The following CRISPLD2 variants were observed in gnomAD, a reference collection of about 807,000 sequenced individuals.
CRISPLD2 encodes the protein cysteine-rich secretory protein LCCL domain-containing 2.
In CRISPLD2, 47 loss-of-function variants were observed where a neutral mutation model predicts 71.1. The observed-to-expected ratio is 0.66, with a 90% CI of 0.52 to 0.84. CRISPLD2 has a LOEUF of 0.84. Ranked by LOEUF, CRISPLD2 falls within the 40% of genes least tolerant of loss-of-function variation. The probability of loss-of-function intolerance (pLI) is 0.00; values close to 1 mark genes in which losing one functional copy is unlikely to be tolerated. For missense variants in CRISPLD2, 830 were observed against 651.1 expected, an observed-to-expected ratio of 1.27 and a Z score of -2.99; for synonymous variants, 317 against 250.1, an observed-to-expected ratio of 1.27 and a Z score of -2.52.
intron 11 of CRISPLD2, among the ~76,000 whole-genome samples, chr16:84,875,045 A>T (rs774764077): frequency 1.1e-4 from 16 of 152,126 alleles, no homozygotes; most frequent in Non-Finnish European, 2.1e-4. Flanking sequence ...GTTTGAGACC[A>T]GCCCTGGCAA....
At chr16:84,855,081 G>A (rs974935631) in intron 6 of CRISPLD2, among the ~76,000 whole-genome samples, 15 of 151,980 alleles carry the variant, frequency 9.9e-5, no homozygotes, top group Non-Finnish European at 1.5e-4. Flanking sequence ...CCTGTGCCGG[G>A]CTCTGCAGAT....
At chr16:84,897,608 G>GTTGTTTGT (rs970035729) in intron 14 of CRISPLD2, among the ~76,000 whole-genome samples, 1 of 151,614 alleles carries the variant, frequency 6.6e-6, no homozygotes, top group Non-Finnish European at 1.5e-5. Flanking sequence ...GCCTTTTTTT[G>GTTGTTTGT]TTGTTTGTTT....
Position 84,880,596 on chromosome 16 carries a change from G to A in CRISPLD2, c.1305+12G>A, listed in dbSNP as rs2143315995. On this transcript the variant is annotated intron_variant, in intron 13 of 14. Transcript: ENST00000262424. ...ACATCTATGCAGATGTGAGTAGGATGCATTTTCAACAACTATCTCGCAAAG... is the reference window on the plus strand; with the variant it reads ...ACATCTATGCAGATGTGAGTAGGATACATTTTCAACAACTATCTCGCAAAG... 6.2e-7 allele frequency: 1 copy of A among 1,610,684 alleles called. No individual in the cohort carries two copies. Among genetic ancestry groups the A allele is most frequent in the Non-Finnish European group, 8.5e-7 (1 of 1,177,254 alleles).
intron 7 of CRISPLD2, among the ~76,000 whole-genome samples, chr16:84,868,032 C>G (rs1281001973): frequency 6.6e-6 from 1 of 152,216 alleles, no homozygotes; most frequent in East Asian, 1.9e-4. Context: ...CCTTGGCTCT[C>G]CCCGTTTGCC....
Position 84,880,501 on chromosome 16 carries a change from T to A in CRISPLD2, c.1230-8T>A. 2 of 1,609,664 alleles carry A rather than the reference T, an allele frequency of 1.2e-6. No homozygotes were observed. The highest frequency in any genetic ancestry group is 2.2e-5 in the South Asian group (2 of 90,620). On this transcript the variant is annotated splice_region_variant and splice_polypyrimidine_tract_variant and intron_variant, in intron 12 of 14. Coordinates refer to ENST00000262424, the MANE Select transcript of CRISPLD2 (RefSeq NM_031476.4). The stretch of plus-strand genomic sequence containing the variant: ...AGACCCATCACATAAATGCTTCCTG[T>A]TTTTCAGAATCCATTGTCCGGCACA...
At chr16:84,884,830 C>T (rs550837295) in intron 13 of CRISPLD2, among the ~76,000 whole-genome samples, 8 of 152,240 alleles carry the variant, frequency 5.3e-5, no homozygotes, top group East Asian at 3.9e-4. Context: ...GTCAAAGCAC[C>T]GCCTCTGGGG....
At chr16:84,902,348 G>A (rs1017340859) in intron 14 of CRISPLD2, among the ~76,000 whole-genome samples, 9 of 151,802 alleles carry the variant, frequency 5.9e-5, no homozygotes, top group South Asian at 2.1e-4. Context: ...AGTGGCTCAC[G>A]CCTGTAATTC....
chr16:84,828,020 AC>A (rs746734051), intron 1 of CRISPLD2, among the ~76,000 whole-genome samples: 5 of 151,014 alleles, frequency 3.3e-5, no homozygotes, highest in Admixed American at 6.6e-5. Flanking sequence ...CCGTTTGTTT[AC>A]TCTCTGTCTC....
At chr16:84,900,363 C>A (rs567564174) in intron 14 of CRISPLD2, among the ~76,000 whole-genome samples, 1 of 152,128 alleles carries the variant, frequency 6.6e-6, no homozygotes. Flanking sequence ...AATCTGGGGG[C>A]TCTCTTTGTT....
In CRISPLD2 at chr16:84,906,520, C is replaced by T. The variant is rs926545413; in HGVS notation, c.1440-68C>T. On this transcript the variant is annotated intron_variant, in intron 14 of 14. Transcript: ENST00000262424. Reference sequence around the variant, plus strand: ...CAGGAGGCACCCAGGTCTCCCTGCCCACCCAGAGTCCCTGCAGGAGGCCCT... The same window carrying T: ...CAGGAGGCACCCAGGTCTCCCTGCCTACCCAGAGTCCCTGCAGGAGGCCCT... 7 of 1,556,554 alleles carry T rather than the reference C, an allele frequency of 4.5e-6. No individual in the cohort carries two copies. The African/African-American group carries it at 6.8e-5, about 15-fold the overall frequency.
chr16:84,836,948 G>A (rs1597449227), intron 1 of CRISPLD2, among the ~76,000 whole-genome samples: 2 of 152,208 alleles, frequency 1.3e-5, no homozygotes, highest in East Asian at 3.9e-4. Flanking sequence ...TGTCTTTAGA[G>A]TCAGCCTTGT....
chr16:84,893,927 G>C (rs2071683986), intron 14 of CRISPLD2, among the ~76,000 whole-genome samples: 2 of 152,226 alleles, frequency 1.3e-5, no homozygotes, highest in African/African-American at 4.8e-5. Context: ...GTCACAGGCA[G>C]TCCCAAGGGA....
At chr16:84,834,206 C>A (rs770063759) in intron 1 of CRISPLD2, among the ~76,000 whole-genome samples, 25 of 152,184 alleles carry the variant, frequency 1.6e-4, no homozygotes, top group Admixed American at 6.5e-5. Context: ...GGAGGTCAGG[C>A]GCTCACACCA....
intron 14 of CRISPLD2, among the ~76,000 whole-genome samples, chr16:84,889,773 T>TGA (rs2071645566): frequency 6.6e-6 from 1 of 151,478 alleles, no homozygotes; most frequent in South Asian, 2.1e-4. Context: ...TGTGTGTGTG[T>TGA]GTGTGTGTGT....
chr16:84,838,320 TAAAA>T (rs1331806897), intron 1 of CRISPLD2, 98 bp from the exon 2 acceptor site: 41 of 738,166 alleles, frequency 5.6e-5, no homozygotes, highest in Admixed American at 1.0e-4. Context: ...TCCGCATCTG[TAAAA>T]TGGAGAGAGT....
At chr16:84,852,833 G>A (rs1276906090) in intron 5 of CRISPLD2, among the ~76,000 whole-genome samples, 3 of 152,296 alleles carry the variant, frequency 2.0e-5, no homozygotes, top group Admixed American at 1.3e-4. Context: ...TCCTTTGGCC[G>A]AGGCAGGAGA....
intron 2 of CRISPLD2, among the ~76,000 whole-genome samples, chr16:84,845,239 G>A (rs1305998646): frequency 2.6e-5 from 4 of 152,170 alleles, no homozygotes; most frequent in African/African-American, 9.7e-5. Context: ...GGCCCGCTTC[G>A]GAGCCCCCTG....
At chr16:84,906,134 C>G (rs145375933) in intron 14 of CRISPLD2, among the ~76,000 whole-genome samples, 1 of 152,088 alleles carries the variant, frequency 6.6e-6, no homozygotes, top group Admixed American at 6.6e-5. Context: ...CCGTTTCCTC[C>G]CCTGTGAACG....
At chr16:84,897,537 A>G (rs966207867) in intron 14 of CRISPLD2, among the ~76,000 whole-genome samples, 2 of 152,038 alleles carry the variant, frequency 1.3e-5, no homozygotes, top group Non-Finnish European at 2.9e-5. Flanking sequence ...CCCAGAAACA[A>G]CCTCTGTAAA....
Sources: allele counts gnomAD v4.1 joint callset (sites outside exome capture counted in the v4.1 genomes callset), GRCh38; gene constraint gnomAD v4.1.1; transcripts MANE v1.5; gene names NCBI Gene and HGNC (gene_info 2026-07-23, HGNC 2026-07-21).